Variants in ZNHIT6 observed in about 807,000 individuals in gnomAD.
ZNHIT6 encodes the protein box C/D snoRNA protein 1.
In ZNHIT6, 45 loss-of-function variants were observed where a neutral mutation model predicts 57.2. The observed-to-expected ratio is 0.79, with a 90% CI of 0.62 to 1.01. The LOEUF (loss-of-function observed/expected upper bound fraction) is 1.01, where lower values mean the gene tolerates loss of function less well. Ranked by LOEUF, ZNHIT6 falls within the 50% of genes least tolerant of loss-of-function variation. The pLI, the probability that ZNHIT6 is intolerant of heterozygous loss-of-function variation, is 0.00. For missense variants in ZNHIT6, 528 were observed against 567.3 expected, an observed-to-expected ratio of 0.93 and a Z score of 0.70; for synonymous variants, 188 against 190.0, an observed-to-expected ratio of 0.99 and a Z score of 0.09.
chr1:85,675,126 T>C (rs1177914590), intron 8 of ZNHIT6, among the ~76,000 whole-genome samples: 1 of 152,216 alleles, frequency 6.6e-6, no homozygotes, highest in Non-Finnish European at 1.5e-5. Flanking sequence ...GAAACTGCTC[T>C]CATGCCATTG....
At chr1:85,660,255 G>C (rs1661188006) in intron 8 of ZNHIT6, among the ~76,000 whole-genome samples, 1 of 152,016 alleles carries the variant, frequency 6.6e-6, no homozygotes, top group Admixed American at 6.5e-5. Context: ...TCTCAAACAG[G>C]AACTTTTCAA....
chr1:85,657,735 G>GTT lies in ZNHIT6; in HGVS notation c.1372+111_1372+112insAA. 3 of 1,027,602 alleles carry GTT rather than the reference G, an allele frequency of 2.9e-6. No individual in the cohort carries two copies. In the South Asian group the frequency reaches 4.8e-5, roughly 16 times the overall value. 63.7% of individuals were successfully genotyped at this position (1,027,602 alleles called of 1,614,324 possible). A position where few individuals can be genotyped will look rare whatever the true frequency, so the allele number is the denominator to read the frequency against. Reference sequence around the variant, plus strand: ...ATTAACTAGCTATACAGTAGATCCTGTAAGTGTGTAAATATAGTGGGAAAA... The same window carrying GTT: ...ATTAACTAGCTATACAGTAGATCCTGTTTAAGTGTGTAAATATAGTGGGAAAA... On this transcript the variant is annotated intron_variant, in intron 9 of 9. Transcript: ENST00000370574.
At chr1:85,691,746 C>A (rs959703981) in intron 5 of ZNHIT6, among the ~76,000 whole-genome samples, 1 of 151,636 alleles carries the variant, frequency 6.6e-6, no homozygotes, top group African/African-American at 2.4e-5. Flanking sequence ...ATTAGCAGAG[C>A]GTGGTGGTGC....
intron 5 of ZNHIT6, among the ~76,000 whole-genome samples, chr1:85,689,085 T>C (rs1280358921): frequency 1.3e-5 from 2 of 152,214 alleles, no homozygotes; most frequent in Non-Finnish European, 2.9e-5. Flanking sequence ...GAAGAGACAC[T>C]AAAATTGTCA....
intron 8 of ZNHIT6, among the ~76,000 whole-genome samples, chr1:85,667,447 T>C (rs1055116703): frequency 6.6e-6 from 1 of 152,052 alleles, no homozygotes; most frequent in Non-Finnish European, 1.5e-5. Context: ...CCTAAAATAA[T>C]TGTGAAAAAC....
intron 8 of ZNHIT6, among the ~76,000 whole-genome samples, chr1:85,663,421 C>A (rs1661278123): frequency 6.6e-6 from 1 of 151,596 alleles, no homozygotes; most frequent in South Asian, 2.1e-4. Flanking sequence ...GATTCCTAAT[C>A]AGGTAAAGTA....
At chr1:85,655,712 A>G (rs821404) in intron 9 of ZNHIT6, among the ~76,000 whole-genome samples, 129,191 of 152,010 alleles carry the variant, frequency 0.85, 55,235 homozygotes, top group East Asian at 0.95. Context: ...CATTCTGAGC[A>G]CTTCCCACTG....
intron 8 of ZNHIT6, among the ~76,000 whole-genome samples, chr1:85,662,517 T>C (rs1444704770): frequency 6.6e-6 from 1 of 152,220 alleles, no homozygotes; most frequent in Admixed American, 6.5e-5. Context: ...AAAGTTTTAA[T>C]TCTTCTTTTA....
In ZNHIT6 at chr1:85,682,168, C is replaced by T. The variant is rs1020476636; in HGVS notation, c.1020-1264G>A. Among the ~76,000 whole-genome samples the T allele has an allele frequency of 4.8e-5, 7 of 145,384 alleles. No homozygotes were observed. In the South Asian group the frequency reaches 9.3e-4, roughly 19 times the overall value. On this transcript the variant is annotated intron_variant, in intron 5 of 9. Coordinates refer to ENST00000370574, the MANE Select transcript of ZNHIT6 (RefSeq NM_017953.4). ...CTGGGACTACAGGTGCTCGCCACCA[C>T]GCCCGGCTAATTTTTTTTTTTTTTT...
intron 6 of ZNHIT6, among the ~76,000 whole-genome samples, chr1:85,680,179 G>A (rs564088604): frequency 3.3e-5 from 5 of 152,244 alleles, no homozygotes; most frequent in Admixed American, 1.3e-4. Context: ...GCACTCCAGC[G>A]TGGGCAACAG....
In ZNHIT6 at chr1:85,708,251, C is replaced by G. The variant is rs1350066884; in HGVS notation, c.34G>C (p.Gly12Arg). 6.2e-7 allele frequency: 1 copy of G among 1,606,284 alleles called. No individual in the cohort carries two copies. The highest frequency in any genetic ancestry group is 8.5e-7 in the Non-Finnish European group (1 of 1,174,286). The change falls in exon 1 of 10, where the codon GGG becomes CGG. Residue 12 changes from glycine (G) to arginine (R), a missense_variant. Transcript: ENST00000370574. ...TCAGCTACGCTGTGGAGACCTCCCC[C>G]AGACTTCCCTTCATTTTCAGCAGCA... ...EFAAENEGKS[G>R]GGLHSVAEGV...
intron 8 of ZNHIT6, among the ~76,000 whole-genome samples, chr1:85,674,665 T>C (rs180780306): frequency 7.9e-5 from 12 of 152,344 alleles, no homozygotes; most frequent in Admixed American, 5.9e-4. Flanking sequence ...TCTTTTATTA[T>C]CTGTTTCATC....
At chr1:85,654,364 G>A (rs1293323213) in intron 9 of ZNHIT6, among the ~76,000 whole-genome samples, 1 of 152,180 alleles carries the variant, frequency 6.6e-6, no homozygotes, top group Non-Finnish European at 1.5e-5. Context: ...TCACAATGTG[G>A]TTATGATCCA....
intron 7 of ZNHIT6, among the ~76,000 whole-genome samples, 179 bp from the exon 8 acceptor site, chr1:85,677,492 G>C (rs1350570005): frequency 6.6e-6 from 1 of 151,994 alleles, no homozygotes; most frequent in East Asian, 1.9e-4. Context: ...TTTTTCCTTT[G>C]TTCAATTAAA....
chr1:85,682,176 T>TA (rs1363343155), intron 5 of ZNHIT6, among the ~76,000 whole-genome samples: 7 of 111,240 alleles, frequency 6.3e-5, no homozygotes, highest in Admixed American at 1.8e-4. Context: ...CACGCCCGGC[T>TA]AATTTTTTTT....
intron 8 of ZNHIT6, among the ~76,000 whole-genome samples, chr1:85,666,181 T>TA (rs1246484238): frequency 1.3e-5 from 2 of 152,098 alleles, no homozygotes; most frequent in Non-Finnish European, 2.9e-5. Flanking sequence ...ATGTGTAAGG[T>TA]AAAGATAGGA....
chr1:85,683,707 T>C (rs1364563391), intron 5 of ZNHIT6, among the ~76,000 whole-genome samples: 1 of 152,126 alleles, frequency 6.6e-6, no homozygotes, highest in South Asian at 2.1e-4. Context: ...CTTAAAAAAA[T>C]ATACATACAT....
Position 85,690,561 on chromosome 1 carries a change from A to T in ZNHIT6, c.1020-9657T>A, listed in dbSNP as rs148321119. On this transcript the variant is annotated intron_variant, in intron 5 of 9. Coordinates refer to ENST00000370574, the MANE Select transcript of ZNHIT6 (RefSeq NM_017953.4). ...AGGGAGTCCTCCTCTGTGCTACCATACCCCATGAGTACTCCATCACAACAC... is the reference window on the plus strand; with the variant it reads ...AGGGAGTCCTCCTCTGTGCTACCATTCCCCATGAGTACTCCATCACAACAC... Among the ~76,000 whole-genome samples the T allele has an allele frequency of 3.3e-5, 5 of 152,104 alleles. No homozygotes were observed. The East Asian group carries it at 7.7e-4, about 23-fold the overall frequency.
Position 85,652,809 on chromosome 1 carries a change from A to AGAT in ZNHIT6, c.*1246_*1248dup, listed in dbSNP as rs1660949545. On this transcript the variant is annotated 3_prime_UTR_variant, in exon 10 of 10. Transcript: ENST00000370574. ...ACCATTAAGTACACACATACAATAT[A>AGAT]GATGTAACAATCTTTTTACTCTCTT... 6.6e-6 allele frequency: 1 copy of AGAT among 152,230 alleles called. No individual in the cohort carries two copies. Among genetic ancestry groups the AGAT allele is most frequent in the African/African-American group, 2.4e-5 (1 of 41,464 alleles). The allele number at this position is 152,230 out of a possible 1,614,324, so 9.4% of individuals were successfully genotyped here.
Sources: allele counts gnomAD v4.1 joint callset (sites outside exome capture counted in the v4.1 genomes callset), GRCh38; gene constraint gnomAD v4.1.1; transcripts MANE v1.5; gene names NCBI Gene and HGNC (gene_info 2026-07-23, HGNC 2026-07-21).